The following UNC80 variants were observed in gnomAD, a reference collection of about 807,000 sequenced individuals.
UNC80 encodes the protein unc-80 subunit of NALCN channel complex, also known as protein unc-80 homolog.
UNC80 carries 164 observed loss-of-function variants against 384.6 expected under a neutral mutation model. The ratio of observed to expected loss-of-function variants is 0.43; its 90% CI spans 0.38 to 0.49. The LOEUF is 0.49. Among genes scored for constraint, UNC80 ranks in the 20% least tolerant of loss-of-function variants. UNC80 has a pLI of 0.00. For synonymous variants in UNC80, 1,486 were observed against 1,527.8 expected, an observed-to-expected ratio of 0.97 and a Z score of 0.64; for missense variants, 3,330 against 4,143.0, an observed-to-expected ratio of 0.80 and a Z score of 5.39.
rs1270766249 is a variant in UNC80 at position 209,999,126 on chromosome 2, G to A, written c.*3531G>A. The A allele has an allele frequency of 6.6e-6, 1 of 152,074 alleles. No homozygotes were observed. The highest frequency in any genetic ancestry group is 1.5e-5 in the Non-Finnish European group (1 of 68,030). 9.4% of individuals were successfully genotyped at this position (152,074 alleles called of 1,614,324 possible). ...AAAACAAAAAATTGACTACACAGCC[G>A]ACTTCCCTCAGATAACTATGAAGTC... On this transcript the variant is annotated 3_prime_UTR_variant, in exon 65 of 65. Coordinates refer to ENST00000673920, the MANE Select transcript of UNC80 (RefSeq NM_001371986.1).
intron 28 of UNC80, among the ~76,000 whole-genome samples, chr2:209,904,108 G>C (rs1240364806): frequency 6.6e-6 from 1 of 152,138 alleles, no homozygotes; most frequent in Non-Finnish European, 1.5e-5. Flanking sequence ...TAAATCAAAT[G>C]AATTCCCTTC....
rs188847859 is a variant in UNC80, at chr2:209,976,052, G to T, written c.8588-67G>T. 35 of 1,472,166 alleles carry T rather than the reference G, an allele frequency of 2.4e-5. No homozygotes were observed. In the East Asian group the frequency reaches 8.4e-4, roughly 35 times the overall value. The allele number at this position is 1,472,166 out of a possible 1,614,324, so 91.2% of individuals were successfully genotyped here. ...TTTCTAAAGGTGCATAAAGGGCTCT[G>T]GATGTAGGTTGGGTTCCTCGGAAGC... On this transcript the variant is annotated intron_variant, in intron 56 of 64. Transcript: ENST00000673920. This position sits in a 1 kb window ranked among gnomAD's most constrained non-coding sequence, Gnocchi z 4.3.
At chr2:209,773,830 A>G (rs748167888) in intron 2 of UNC80, among the ~76,000 whole-genome samples, 11 of 152,252 alleles carry the variant, frequency 7.2e-5, no homozygotes, top group Non-Finnish European at 1.3e-4. Flanking sequence ...TCTAAAAATG[A>G]ATAATATAAA....
In UNC80 at chr2:209,849,591, G is replaced by A; in HGVS notation, c.3595G>A (p.Asp1199Asn). 3 of 1,550,814 alleles carry A rather than the reference G, an allele frequency of 1.9e-6. No individual in the cohort carries two copies. The highest frequency in any genetic ancestry group is 1.7e-6 in the Non-Finnish European group (2 of 1,146,464). Residue 1199 changes from aspartate (D) to asparagine (N), a missense_variant, in exon 22 of 65, where the codon GAT becomes AAT. By Grantham distance (23) the Asp-to-Asn change is conservative (BLOSUM62 1). Around this residue, in one of 8 missense-constraint regions of UNC80, gnomAD observed 801 missense variants for 950.8 expected, o/e 0.84. Coordinates refer to ENST00000673920, the MANE Select transcript of UNC80 (RefSeq NM_001371986.1). ...LNCCEPGTIP[D>N]ASILAAALDL... ...CTGCTGTGAGCCAGGGACAATTCCT[G>A]ATGCCTCCATCCTAGCAGCTGCCTT...
chr2:209,809,260 T>G, intron 7 of UNC80: 1 of 733,056 alleles, frequency 1.4e-6, no homozygotes, highest in Non-Finnish European at 2.5e-6. Flanking sequence ...CTGCCAATAC[T>G]GCAATAAGGA....
intron 28 of UNC80, among the ~76,000 whole-genome samples, chr2:209,896,943 A>T (rs1275807903): frequency 6.6e-6 from 1 of 152,028 alleles, no homozygotes; most frequent in Non-Finnish European, 1.5e-5. Context: ...ATGAAGAAAG[A>T]AGTAAGGAGA....
At chr2:209,966,086 G>A (rs937960735) in intron 51 of UNC80, among the ~76,000 whole-genome samples, 9 of 152,008 alleles carry the variant, frequency 5.9e-5, no homozygotes, top group South Asian at 2.1e-4. Flanking sequence ...TGCTACCCTC[G>A]TCCATCAGGA....
At chr2:209,970,442 T>A (rs2125011638) in intron 53 of UNC80, 1 of 191,288 alleles carries the variant, frequency 5.2e-6, no homozygotes, top group Non-Finnish European at 1.1e-5. Context: ...GAGCAATAAG[T>A]CTGTAGTTGG....
rs2076607618 is a variant in UNC80 at position 209,772,133 on chromosome 2, C to G, written c.61C>G (p.Pro21Ala). ...EQDGGRGIPL[P>A]IQTFLWRQTS... ...GGACGGCGGCCGCGGCATCCCCCTG[C>G]CCATCCAGACCTTCCTGTGGCGGCA... The change falls in exon 1 of 65, where the codon CCC (proline) becomes GCC (alanine). Residue 21 changes from proline to alanine, a missense_variant. Transcript: ENST00000673920. 6.5e-7 allele frequency: 1 copy of G among 1,547,830 alleles called. No homozygotes were observed.
intron 22 of UNC80, among the ~76,000 whole-genome samples, chr2:209,871,557 G>A (rs2084294969): frequency 6.6e-6 from 1 of 151,888 alleles, no homozygotes; most frequent in South Asian, 2.1e-4. Context: ...GAAAATCTGT[G>A]GTTACTGAGT....
Position 209,786,029 on chromosome 2 carries a change from G to A in UNC80, c.601-37G>A, listed in dbSNP as rs553839320. 1.2e-5 allele frequency: 19 copies of A among 1,604,042 alleles called. No individual in the cohort carries two copies. In the South Asian group the frequency reaches 1.9e-4, roughly 16 times the overall value. On this transcript the variant is annotated intron_variant, in intron 4 of 64. Transcript: ENST00000673920. The stretch of plus-strand genomic sequence containing the variant: ...TGGTCCCTTTAAGCAGCTGTTACAT[G>A]TCAGTTATTGGACATATATCTTCTC...
At position 209,995,626 on chromosome 2, in the gene UNC80, A is replaced by G. The variant is rs2093472909; in HGVS notation, c.*31A>G. ...TATCTTGTAAGCTCTGCAGGTATAGAGAAGACATGAAAGTGATCTCTCTAC... is the reference window on the plus strand; with the variant it reads ...TATCTTGTAAGCTCTGCAGGTATAGGGAAGACATGAAAGTGATCTCTCTAC... On this transcript the variant is annotated 3_prime_UTR_variant, in exon 65 of 65. Transcript: ENST00000673920. 6.5e-7 allele frequency: 1 copy of G among 1,546,056 alleles called. No individual in the cohort carries two copies. Among genetic ancestry groups the G allele is most frequent in the African/African-American group, 1.4e-5 (1 of 72,846 alleles).
At chr2:209,966,087 T>A (rs1035704588) in intron 51 of UNC80, among the ~76,000 whole-genome samples, 1 of 152,174 alleles carries the variant, frequency 6.6e-6, no homozygotes, top group Non-Finnish European at 1.5e-5. Flanking sequence ...GCTACCCTCG[T>A]CCATCAGGAA....
At chr2:209,779,165 G>A (rs1276086902) in intron 4 of UNC80, among the ~76,000 whole-genome samples, 1 of 152,116 alleles carries the variant, frequency 6.6e-6, no homozygotes, top group Admixed American at 6.5e-5. Flanking sequence ...AATAGGGACT[G>A]TCCACCTGGC....
chr2:209,865,668 T>G (rs896188239), intron 22 of UNC80, among the ~76,000 whole-genome samples: 1 of 152,220 alleles, frequency 6.6e-6, no homozygotes, highest in African/African-American at 2.4e-5. Context: ...TGCATTAATA[T>G]TCACAAATTA....
intron 58 of UNC80, among the ~76,000 whole-genome samples, chr2:209,977,738 T>G (rs1157866204): frequency 2.0e-5 from 3 of 152,232 alleles, no homozygotes; most frequent in Non-Finnish European, 4.4e-5. Context: ...TACATTATTC[T>G]AAAGGTATTC....
At chr2:209,948,947 A>G (rs1362662973) in intron 47 of UNC80, among the ~76,000 whole-genome samples, 1 of 152,168 alleles carries the variant, frequency 6.6e-6, no homozygotes, top group Non-Finnish European at 1.5e-5. Flanking sequence ...CTCTATTTAT[A>G]GAGATGATTA....
intron 5 of UNC80, among the ~76,000 whole-genome samples, chr2:209,788,633 G>T (rs967055413): frequency 3.4e-5 from 5 of 147,330 alleles, no homozygotes; most frequent in African/African-American, 7.4e-5. Flanking sequence ...ATAAATATAT[G>T]ACTATATTAA....
intron 22 of UNC80, among the ~76,000 whole-genome samples, chr2:209,853,869 T>G (rs1274177480): frequency 6.6e-6 from 1 of 152,074 alleles, no homozygotes; most frequent in Non-Finnish European, 1.5e-5. Flanking sequence ...ATCATAGAAT[T>G]CTCCCTAGTC....
Sources: gnomAD v4.1 joint callset for allele counts (sites outside exome capture counted in the v4.1 genomes callset) on GRCh38, gnomAD v4.1.1 for gene constraint, gnomAD v4.1.1 regional missense constraint, Gnocchi (gnomAD v3.1) non-coding constraint, MANE v1.5 for transcripts, NCBI Gene and HGNC (gene_info 2026-07-23, HGNC 2026-07-21) for gene names.